Variants in CPNE8 observed in about 807,000 individuals in gnomAD.
CPNE8 encodes copine-8.
CPNE8 carries 45 observed loss-of-function variants against 81.5 expected under a neutral mutation model. The observed-to-expected ratio is 0.55, with a 90% CI of 0.44 to 0.71. CPNE8 has a LOEUF of 0.71. CPNE8 is among the 30% of genes least tolerant of loss of function. CPNE8 has a pLI of 0.00. For missense variants in CPNE8, 594 were observed against 672.1 expected (o/e 0.88, Z 1.28); for synonymous variants, 252 against 226.3 (o/e 1.11, Z -1.02).
intron 16 of CPNE8, among the ~76,000 whole-genome samples, chr12:38,678,331 G>C (rs1939337162): frequency 6.6e-6 from 1 of 151,874 alleles, no homozygotes. Context: ...TTATGAATAT[G>C]TTACATTTCA....
Position 38,779,925 on chromosome 12 carries a change from A to T in CPNE8, c.408-3624T>A, listed in dbSNP as rs116142522. Among the ~76,000 whole-genome samples the T allele has an allele frequency of 3.7e-3, 567 of 152,256 alleles. 6 individuals carry two copies. Among genetic ancestry groups the T allele is most frequent in the African/African-American group, 0.013 (555 of 41,562 alleles). The stretch of plus-strand genomic sequence containing the variant: ...GATAACTAGCAAAGGATTATAAAAA[A>T]TAAGCAAGAATATTTGGAACAGAAT... On this transcript the variant is annotated intron_variant, in intron 6 of 19. Transcript: ENST00000331366.
intron 6 of CPNE8, among the ~76,000 whole-genome samples, chr12:38,789,894 G>A (rs1467229680): frequency 6.6e-6 from 1 of 151,784 alleles, no homozygotes; most frequent in Non-Finnish European, 1.5e-5. Context: ...ACTGCAATGA[G>A]ATATAGCATC....
intron 5 of CPNE8, 92 bp downstream of exon 5, chr12:38,839,824 C>A: frequency 8.7e-7 from 1 of 1,143,156 alleles, no homozygotes; most frequent in South Asian, 2.0e-5. Context: ...ACATGAATAA[C>A]TTAATAGATG....
At chr12:38,718,673 C>T (rs1178651938) in intron 13 of CPNE8, among the ~76,000 whole-genome samples, 2 of 151,896 alleles carry the variant, frequency 1.3e-5, no homozygotes. Flanking sequence ...TCATTAAATC[C>T]AATAACATTA....
At chr12:38,839,744 A>C (rs1194185191) in intron 5 of CPNE8, among the ~76,000 whole-genome samples, 172 bp downstream of exon 5, 1 of 152,172 alleles carries the variant, frequency 6.6e-6, no homozygotes, top group African/African-American at 2.4e-5. Context: ...TAACGTTTTT[A>C]ATAAGCTCCT....
chr12:38,878,411 A>G (rs919018335), intron 1 of CPNE8, among the ~76,000 whole-genome samples: 2 of 152,168 alleles, frequency 1.3e-5, no homozygotes, highest in African/African-American at 4.8e-5. Flanking sequence ...ACACCTTTCC[A>G]AAACCATCCA....
chr12:38,841,007 T>C (rs1943460687), intron 4 of CPNE8, among the ~76,000 whole-genome samples: 1 of 152,158 alleles, frequency 6.6e-6, no homozygotes, highest in Admixed American at 6.6e-5. Flanking sequence ...ACTGCCTCTT[T>C]AAAGGTTAAA....
At chr12:38,824,028 C>A (rs10160990) in intron 6 of CPNE8, among the ~76,000 whole-genome samples, 133,208 of 152,088 alleles carry the variant, frequency 0.88, 58,669 homozygotes, top group Non-Finnish European at 0.93. Context: ...CCAGGAAAAG[C>A]CCAAAAGTGT....
At chr12:38,823,413 A>T (rs978565405) in intron 6 of CPNE8, among the ~76,000 whole-genome samples, 3 of 152,142 alleles carry the variant, frequency 2.0e-5, no homozygotes, top group Non-Finnish European at 2.9e-5. Flanking sequence ...GTTAGGACAC[A>T]ATCATCCATC....
intron 7 of CPNE8, among the ~76,000 whole-genome samples, chr12:38,769,901 T>G: frequency 6.6e-6 from 1 of 152,124 alleles, no homozygotes; most frequent in African/African-American, 2.4e-5. Context: ...TTATATAACC[T>G]TAGGAAAAAT....
chr12:38,684,970 G>T (rs1381243848), intron 16 of CPNE8, among the ~76,000 whole-genome samples: 1 of 152,082 alleles, frequency 6.6e-6, no homozygotes, highest in Non-Finnish European at 1.5e-5. Context: ...ATTATATTCT[G>T]ATCTCAGTAC....
intron 19 of CPNE8, among the ~76,000 whole-genome samples, chr12:38,656,102 T>A (rs1591991659): frequency 7.0e-6 from 1 of 141,894 alleles, no homozygotes; most frequent in Non-Finnish European, 1.6e-5. Context: ...ATCAAAGAGG[T>A]AAAAAAAAAA....
At chr12:38,872,027 C>T (rs11169879) in intron 3 of CPNE8, among the ~76,000 whole-genome samples, 13 of 151,806 alleles carry the variant, frequency 8.6e-5, no homozygotes, top group African/African-American at 2.4e-4. Context: ...CTCAGCTACT[C>T]GGGAGGCTGA....
In CPNE8 at chr12:38,905,076, G is replaced by C. The variant is rs566816956; in HGVS notation, c.98+361C>G. 1.6e-3 allele frequency among the ~76,000 whole-genome samples: 247 copies of C among 152,210 alleles called. 2 individuals are homozygous for C. The highest frequency in any genetic ancestry group is 2.5e-3 in the Non-Finnish European group (170 of 68,010). On this transcript the variant is annotated intron_variant, in intron 1 of 19. Coordinates refer to ENST00000331366, the MANE Select transcript of CPNE8 (RefSeq NM_153634.3). ...CGTGCAGCGGTCACAAGAGCTTTTGGCAGTGCTGTCCCCTTCGATTCCGGT... is the reference window on the plus strand; with the variant it reads ...CGTGCAGCGGTCACAAGAGCTTTTGCCAGTGCTGTCCCCTTCGATTCCGGT...
intron 6 of CPNE8, 61 bp from the exon 7 acceptor site, chr12:38,776,362 A>C (rs1027315192): frequency 2.3e-5 from 12 of 518,582 alleles, no homozygotes; most frequent in East Asian, 4.6e-5. Context: ...ATATAATATA[A>C]ATTTATATAT....
At chr12:38,897,779 A>G (rs1057047167) in intron 1 of CPNE8, among the ~76,000 whole-genome samples, 13 of 152,074 alleles carry the variant, frequency 8.5e-5, no homozygotes, top group African/African-American at 2.9e-4. Flanking sequence ...GAAGGATTTT[A>G]ATTTTTTTAT....
At chr12:38,864,031 A>G (rs907342914) in intron 3 of CPNE8, among the ~76,000 whole-genome samples, 2 of 150,470 alleles carry the variant, frequency 1.3e-5, no homozygotes, top group African/African-American at 2.4e-5. Flanking sequence ...TCCAGCCTGG[A>G]CGACAGAGCG....
intron 15 of CPNE8, among the ~76,000 whole-genome samples, chr12:38,689,013 G>A (rs544871507): frequency 6.6e-6 from 1 of 152,274 alleles, no homozygotes; most frequent in South Asian, 2.1e-4. Flanking sequence ...TAATTATGCA[G>A]GGAATCAGTT....
intron 6 of CPNE8, among the ~76,000 whole-genome samples, chr12:38,786,424 G>A (rs1942188664): frequency 6.6e-6 from 1 of 152,086 alleles, no homozygotes; most frequent in African/African-American, 2.4e-5. Flanking sequence ...AGAAAAATGT[G>A]TAAAGAGAGA....
Sources: allele counts gnomAD v4.1 joint callset (sites outside exome capture counted in the v4.1 genomes callset), GRCh38; gene constraint gnomAD v4.1.1; transcripts MANE v1.5; gene names NCBI Gene and HGNC (gene_info 2026-07-23, HGNC 2026-07-21).